The following IFNE variants were observed in gnomAD, a reference collection of about 807,000 sequenced individuals.
IFNE encodes the protein interferon epsilon.
For synonymous variants in IFNE, 94 were observed against 87.4 expected, an observed-to-expected ratio of 1.08 and a Z score of -0.42; for missense variants, 276 against 232.4, an observed-to-expected ratio of 1.19 and a Z score of -1.22.
At position 21,481,605 on chromosome 9, in the gene IFNE, C is replaced by A. The variant is rs1260189597; in HGVS notation, c.90G>T (p.Gln30His). Residue 30 changes from glutamine to histidine, a missense_variant, in exon 1 of 1, where the codon CAG becomes CAT. Transcript: ENST00000448696. ...AACTTTCTTGATTCACTTGTCTTTG[C>A]TGGAAGATAATCAGTTTCAAATCTA... Reference protein sequence around the residue: ...FSLDLKLIIFQQRQVNQESLK... With the variant: ...FSLDLKLIIFHQRQVNQESLK... 1 of 1,614,048 alleles carries A rather than the reference C, an allele frequency of 6.2e-7. No individual in the cohort carries two copies. Among genetic ancestry groups the A allele is most frequent in the East Asian group, 2.2e-5 (1 of 44,876 alleles).
chr9:21,481,735 G>T lies in IFNE; in HGVS notation c.-41C>A. On this transcript the variant is annotated 5_prime_UTR_variant, in exon 1 of 1. Transcript: ENST00000448696. The stretch of plus-strand genomic sequence containing the variant: ...TGCTACTTATCCCTGCATAGACTTA[G>T]GGAAATTCCAGCTCTAGTGAATGTT... 1 of 1,539,932 alleles carries T rather than the reference G, an allele frequency of 6.5e-7. No homozygotes were observed. The highest frequency in any genetic ancestry group is 1.3e-5 in the South Asian group (1 of 79,432).
Position 21,480,937 on chromosome 9 carries a change from G to A in IFNE, c.*131C>T, listed in dbSNP as rs2118076096. ...CACATTACAAAATAAAAACAATTGT[G>A]GTCAATATGCACAATCTTAAAACAC... On this transcript the variant is annotated 3_prime_UTR_variant, in exon 1 of 1. Transcript: ENST00000448696. 1.5e-6 allele frequency: 1 copy of A among 682,208 alleles called. No individual in the cohort carries two copies. The highest frequency in any genetic ancestry group is 1.8e-5 in the African/African-American group (1 of 54,688). The allele number at this position is 682,208 out of a possible 1,614,324, so 42.3% of individuals were successfully genotyped here. A position where few individuals can be genotyped will look rare whatever the true frequency, so the allele number is the denominator to read the frequency against.
chr9:21,482,182 C>G lies in IFNE; in HGVS notation c.-488G>C, dbSNP rs2039380. On this transcript the variant is annotated 5_prime_UTR_variant, in exon 1 of 1. Coordinates refer to ENST00000448696, the MANE Select transcript of IFNE (RefSeq NM_176891.5). ...TCAGGGGCAAAACTTAAAATACCTA[C>G]AAACTACTAAATTTAAAACCTCAAT... 18,598 of 167,088 alleles carry G rather than the reference C, an allele frequency of 0.11. 1,236 individuals are homozygous for G. Among genetic ancestry groups the G allele is most frequent in the South Asian group, 0.23 (1,116 of 4,816 alleles). 10.4% of individuals were successfully genotyped at this position (167,088 alleles called of 1,614,324 possible).
chr9:21,481,456 A>G lies in IFNE; in HGVS notation c.239T>C (p.Ile80Thr). The change falls in exon 1 of 1, where the codon ATT becomes ACT. Residue 80 changes from isoleucine to threonine, a missense_variant. By Grantham distance (89) the Ile-to-Thr change is moderately conservative. Coordinates refer to ENST00000448696, the MANE Select transcript of IFNE (RefSeq NM_176891.5). ...GATCTGCTGAAGCATCTCATGGAGA[A>G]TGGCCAGAGTGTGTCCTTTTTGGTA... ...QQYQKGHTLA[I>T]LHEMLQQIFS... The G allele has an allele frequency of 6.2e-7, 1 of 1,614,168 alleles. No homozygotes were observed. Among genetic ancestry groups the G allele is most frequent in the Non-Finnish European group, 8.5e-7 (1 of 1,180,016 alleles).
In IFNE at chr9:21,481,438, T is replaced by G; in HGVS notation, c.257A>C (p.Gln86Pro). 6.2e-7 allele frequency: 1 copy of G among 1,614,176 alleles called. No homozygotes were observed. Among genetic ancestry groups the G allele is most frequent in the Non-Finnish European group, 8.5e-7 (1 of 1,180,016 alleles). The change falls in exon 1 of 1, where the codon CAG becomes CCG. Residue 86 changes from glutamine to proline, a missense_variant. Physicochemically the swap from Gln to Pro is moderately conservative, Grantham distance 76. Transcript: ENST00000448696. ...TGCCCTGAAGAGGCTGAAGATCTGC[T>G]GAAGCATCTCATGGAGAATGGCCAG... ...HTLAILHEMLQQIFSLFRANI... is the reference protein window; with the variant it reads ...HTLAILHEMLPQIFSLFRANI...
chr9:21,482,253 A>C lies in IFNE; in HGVS notation c.-559T>G, dbSNP rs1008252831. ...AATGCTTGAGCAAATAATTAATTTT[A>C]AAACATATATCAGCAATCTTAAATT... On this transcript the variant is annotated 5_prime_UTR_variant, in exon 1 of 1. It removes the in-frame stop codon of an upstream open reading frame in the 5' UTR. Transcript: ENST00000448696. 1 of 166,850 alleles carries C rather than the reference A, an allele frequency of 6.0e-6. No homozygotes were observed. The highest frequency in any genetic ancestry group is 1.5e-5 in the Non-Finnish European group (1 of 68,164). 10.3% of individuals were successfully genotyped at this position (166,850 alleles called of 1,614,324 possible). A position where few individuals can be genotyped will look rare whatever the true frequency, so the allele number is the denominator to read the frequency against.
At position 21,481,612 on chromosome 9, in the gene IFNE, A is replaced by T. The variant is rs767287614; in HGVS notation, c.83T>A (p.Ile28Asn). Reference protein sequence around the residue: ...TIFSLDLKLIIFQQRQVNQES... With the variant: ...TIFSLDLKLINFQQRQVNQES... ...TTGATTCACTTGTCTTTGCTGGAAGATAATCAGTTTCAAATCTAGAGAGAA... is the reference window on the plus strand; with the variant it reads ...TTGATTCACTTGTCTTTGCTGGAAGTTAATCAGTTTCAAATCTAGAGAGAA... Residue 28 changes from isoleucine to asparagine, a missense_variant, in exon 1 of 1, where the codon ATC becomes AAC. Ile to Asn is a moderately radical substitution (Grantham distance 149, BLOSUM62 -3). Transcript: ENST00000448696. The T allele has an allele frequency of 1.9e-6, 3 of 1,614,094 alleles. No individual in the cohort carries two copies. The highest frequency in any genetic ancestry group is 2.2e-5 in the East Asian group (1 of 44,878).
chr9:21,482,009 AT>A lies in IFNE; in HGVS notation c.-316del. 4.2e-6 allele frequency: 1 copy of A among 237,804 alleles called. No homozygotes were observed. The highest frequency in any genetic ancestry group is 8.7e-6 in the Non-Finnish European group (1 of 114,370). The allele number at this position is 237,804 out of a possible 1,614,324, so 14.7% of individuals were successfully genotyped here. On this transcript the variant is annotated 5_prime_UTR_variant, in exon 1 of 1. In the 5' UTR this introduces an upstream ATG that the reference lacks. Coordinates refer to ENST00000448696, the MANE Select transcript of IFNE (RefSeq NM_176891.5). ...AACATAATCTTTTATTATTCTATTCATTATATACAAAGTTTCACTGAACACA... is the reference window on the plus strand; with the variant it reads ...AACATAATCTTTTATTATTCTATTCATATATACAAAGTTTCACTGAACACA...
Position 21,481,241 on chromosome 9 carries a change from G to A in IFNE, c.454C>T (p.His152Tyr), listed in dbSNP as rs756413872. The part of the protein sequence containing the change: ...LQVKMYFRRI[H>Y]DYLENQDYST... ...TAGTCCTGGTTTTCCAGGTAATCAT[G>A]GATCCTTCGGAAGTACATTTTAACT... Residue 152 changes from histidine to tyrosine, a missense_variant, in exon 1 of 1, where the codon CAT (histidine) becomes TAT (tyrosine). By Grantham distance (83) the His-to-Tyr change is moderately conservative. Coordinates refer to ENST00000448696, the MANE Select transcript of IFNE (RefSeq NM_176891.5). 4.3e-6 allele frequency: 7 copies of A among 1,614,002 alleles called. 1 individual carries two copies. In the South Asian group the frequency reaches 6.6e-5, roughly 15 times the overall value.
chr9:21,481,850 A>G lies in IFNE; in HGVS notation c.-156T>C. 1 of 679,668 alleles carries G rather than the reference A, an allele frequency of 1.5e-6. No homozygotes were observed. The allele number at this position is 679,668 out of a possible 1,614,324, so 42.1% of individuals were successfully genotyped here. On this transcript the variant is annotated 5_prime_UTR_variant, in exon 1 of 1. Transcript: ENST00000448696. ...TCATTTCTCCAAGTTTACACATTAG[A>G]TTTTCAGGTTCCCTTTTCATGGTGT...
rs1395207772 is a variant in IFNE, at chr9:21,482,226, CA to C, written c.-533del. Reference sequence around the variant, plus strand: ...CCTCAATTAGAACTGTAAATTGTCACAAATGCTTGAGCAAATAATTAATTTT... The same window carrying C: ...CCTCAATTAGAACTGTAAATTGTCACAATGCTTGAGCAAATAATTAATTTT... On this transcript the variant is annotated 5_prime_UTR_variant, in exon 1 of 1. Transcript: ENST00000448696. 1 of 165,146 alleles carries C rather than the reference CA, an allele frequency of 6.1e-6. No homozygotes were observed. The highest frequency in any genetic ancestry group is 2.5e-5 in the African/African-American group (1 of 40,578). The allele number at this position is 165,146 out of a possible 1,614,324, so 10.2% of individuals were successfully genotyped here. A position where few individuals can be genotyped will look rare whatever the true frequency, so the allele number is the denominator to read the frequency against.
Position 21,481,094 on chromosome 9 carries a change from T to A in IFNE, c.601A>T (p.Thr201Ser), listed in dbSNP as rs1328029921. ...TACCTCGGGCTTCTAAACTCTGTAG[T>A]AAGCTCTTGCTTCATGTCGTTCAAG... ...RPLNDMKQEL[T>S]TEFRSPR Residue 201 changes from threonine (T) to serine (S), a missense_variant, in exon 1 of 1, where the codon ACT (threonine) becomes TCT (serine). Thr to Ser is a moderately conservative substitution (Grantham distance 58). Transcript: ENST00000448696. 5 of 1,612,274 alleles carry A rather than the reference T, an allele frequency of 3.1e-6. No individual in the cohort carries two copies. The Admixed American group carries it at 6.7e-5, about 22-fold the overall frequency.
Position 21,481,342 on chromosome 9 carries a change from T to C in IFNE, c.353A>G (p.Glu118Gly). Residue 118 changes from glutamate to glycine, a missense_variant, in exon 1 of 1, where the codon GAA becomes GGA. Glu to Gly is a moderately conservative substitution (Grantham distance 98). Coordinates refer to ENST00000448696, the MANE Select transcript of IFNE (RefSeq NM_176891.5). Reference protein sequence around the residue: ...KFLIQLHQQLEYLEALMGLEA... With the variant: ...KFLIQLHQQLGYLEALMGLEA... Reference sequence around the variant, plus strand: ...CAGTCCCATGAGTGCTTCTAGGTATTCTAGCTGTTGATGAAGTTGAATGAG... The same window carrying C: ...CAGTCCCATGAGTGCTTCTAGGTATCCTAGCTGTTGATGAAGTTGAATGAG... 1 of 1,614,186 alleles carries C rather than the reference T, an allele frequency of 6.2e-7. No homozygotes were observed. Among genetic ancestry groups the C allele is most frequent in the Non-Finnish European group, 8.5e-7 (1 of 1,180,010 alleles).
In IFNE at chr9:21,481,966, A is replaced by G. The variant is rs1303159121; in HGVS notation, c.-272T>C. 8.1e-6 allele frequency: 3 copies of G among 371,466 alleles called. No individual in the cohort carries two copies. Among genetic ancestry groups the G allele is most frequent in the Admixed American group, 4.4e-5 (1 of 22,564 alleles). 23.0% of individuals were successfully genotyped at this position (371,466 alleles called of 1,614,324 possible). A position where few individuals can be genotyped will look rare whatever the true frequency, so the allele number is the denominator to read the frequency against. ...TTCATTGTATGCTTTCCTTGAGGCA[A>G]TTACAGACTAGTCATCCAACATAAT... On this transcript the variant is annotated 5_prime_UTR_variant, in exon 1 of 1. Transcript: ENST00000448696.
rs1819033595 is a variant in IFNE, at chr9:21,481,244, T to A, written c.451A>T (p.Ile151Phe). 1 of 1,614,014 alleles carries A rather than the reference T, an allele frequency of 6.2e-7. No individual in the cohort carries two copies. The highest frequency in any genetic ancestry group is 1.3e-5 in the African/African-American group (1 of 74,912). ...TCCTGGTTTTCCAGGTAATCATGGA[T>A]CCTTCGGAAGTACATTTTAACTTGT... ...RLQVKMYFRRIHDYLENQDYS... is the reference protein window; with the variant it reads ...RLQVKMYFRRFHDYLENQDYS... Residue 151 changes from isoleucine (I) to phenylalanine (F), a missense_variant, in exon 1 of 1, where the codon ATC becomes TTC. Transcript: ENST00000448696.
chr9:21,481,193 C>A lies in IFNE; in HGVS notation c.502G>T (p.Val168Phe), dbSNP rs747643883. The change falls in exon 1 of 1, where the codon GTC becomes TTC. Residue 168 changes from valine (V) to phenylalanine (F), a missense_variant. Coordinates refer to ENST00000448696, the MANE Select transcript of IFNE (RefSeq NM_176891.5). ...QDYSTCAWAI[V>F]QVEISRCLFF... ...AGACATCGGCTGATTTCTACTTGGACAATGGCCCAGGCACAGGTGCTGTAG... is the reference window on the plus strand; with the variant it reads ...AGACATCGGCTGATTTCTACTTGGAAAATGGCCCAGGCACAGGTGCTGTAG... 5.0e-6 allele frequency: 8 copies of A among 1,614,126 alleles called. 1 individual carries two copies. In the Admixed American group the frequency reaches 1.2e-4, roughly 24 times the overall value.
Position 21,481,515 on chromosome 9 carries a change from A to T in IFNE, c.180T>A (p.Phe60Leu). The T allele has an allele frequency of 6.2e-7, 1 of 1,614,134 alleles. No homozygotes were observed. The highest frequency in any genetic ancestry group is 8.5e-7 in the Non-Finnish European group (1 of 1,180,000). Reference sequence around the variant, plus strand: ...GACTCAAAGACTTCTGAGGAAGCAGAAAGTTTTTCCTGTGTGGTAGACACT... The same window carrying T: ...GACTCAAAGACTTCTGAGGAAGCAGTAAGTTTTTCCTGTGTGGTAGACACT... ...IQQCLPHRKN[F>L]LLPQKSLSPQ... Residue 60 changes from phenylalanine (F) to leucine (L), a missense_variant, in exon 1 of 1, where the codon TTT (phenylalanine) becomes TTA (leucine). Phe to Leu is a conservative substitution (Grantham distance 22). Transcript: ENST00000448696.
At position 21,481,507 on chromosome 9, in the gene IFNE, G is replaced by T. The variant is rs1250753325; in HGVS notation, c.188C>A (p.Pro63His). ...CTGCTGAGGACTCAAAGACTTCTGA[G>T]GAAGCAGAAAGTTTTTCCTGTGTGG... ...CLPHRKNFLL[P>H]QKSLSPQQYQ... Residue 63 changes from proline to histidine, a missense_variant, in exon 1 of 1, where the codon CCT becomes CAT. Transcript: ENST00000448696. 6.2e-7 allele frequency: 1 copy of T among 1,614,072 alleles called. No individual in the cohort carries two copies. Among genetic ancestry groups the T allele is most frequent in the Non-Finnish European group, 8.5e-7 (1 of 1,179,976 alleles).
chr9:21,481,587 T>C lies in IFNE; in HGVS notation c.108A>G (p.Gln36=). ...ACTTATTCAAGAGTTTTAAACTTTC[T>C]TGATTCACTTGTCTTTGCTGGAAGA... is the stretch of plus-strand genomic sequence containing the variant. ...LIIFQQRQVN[Q]ESLKLLNKLQ... Residue 36 remains glutamine (Q), a synonymous_variant, in exon 1 of 1, where the codon CAA becomes CAG. Coordinates refer to ENST00000448696, the MANE Select transcript of IFNE (RefSeq NM_176891.5). 6.2e-7 allele frequency: 1 copy of C among 1,614,178 alleles called. No individual in the cohort carries two copies. The highest frequency in any genetic ancestry group is 8.5e-7 in the Non-Finnish European group (1 of 1,180,010).
Sources: allele counts gnomAD v4.1 joint callset, GRCh38; gene constraint gnomAD v4.1.1; transcripts MANE v1.5; gene names NCBI Gene and HGNC (gene_info 2026-07-23, HGNC 2026-07-21).